WDR6: variants seen among roughly 807,000 people sequenced by gnomAD.
WDR6 encodes tRNA (34-2'-O)-methyltransferase regulator WDR6.
Under a neutral mutation model 85.6 loss-of-function variants are expected in WDR6, and 58 were observed. The observed-to-expected ratio is 0.68, with a 90% confidence interval of 0.55 to 0.84. WDR6 has a LOEUF of 0.84. WDR6 is among the 40% of genes least tolerant of loss of function. The pLI is 0.00. For missense variants in WDR6, 1,310 were observed against 1,476.4 expected (o/e 0.89, Z 1.85); for synonymous variants, 569 against 582.2 (o/e 0.98, Z 0.33).
In WDR6 at chr3:49,012,252, G is replaced by A. The variant is rs981114396; in HGVS notation, c.718G>A (p.Asp240Asn). 5 of 1,614,136 alleles carry A rather than the reference G, an allele frequency of 3.1e-6. No homozygotes were observed. The highest frequency in any genetic ancestry group is 2.2e-5 in the South Asian group (2 of 91,082). The change falls in exon 2 of 6, where the codon GAC (aspartate) becomes AAC (asparagine). Residue 240 changes from aspartate (D) to asparagine (N), a missense_variant. Coordinates refer to ENST00000608424, the MANE Select transcript of WDR6 (RefSeq NM_018031.6). The surrounding 1 kb of genome is among the most constrained non-coding windows in gnomAD (Gnocchi z 4.4). Reference sequence around the variant, plus strand: ...AAGCGTTCGTATCTGGAAGGTGGGCGACCTGCGAGTGCCTGGGGGTCGGGT... The same window carrying A: ...AAGCGTTCGTATCTGGAAGGTGGGCAACCTGCGAGTGCCTGGGGGTCGGGT... The part of the protein sequence containing the change: ...DRSVRIWKVG[D>N]LRVPGGRVQN...
chr3:49,014,283 G>A lies in WDR6; in HGVS notation c.2656G>A (p.Gly886Arg). 1 of 1,614,138 alleles carries A rather than the reference G, an allele frequency of 6.2e-7. No individual in the cohort carries two copies. The highest frequency in any genetic ancestry group is 8.5e-7 in the Non-Finnish European group (1 of 1,180,032). ...CCTTGTGGCTGCAGCCTGTAGTGAT[G>A]GGGCCGTAAGGTGAGAGCATAGGGC... ...GPLVAAACSD[G>R]AVRLFLLQDS... The change falls in exon 3 of 6, where the codon GGG becomes AGG. Residue 886 changes from glycine to arginine, a missense_variant. Transcript: ENST00000608424. This position sits in a 1 kb window ranked among gnomAD's most constrained non-coding sequence, Gnocchi z 4.9.
In WDR6 at chr3:49,014,470, C is replaced by G; in HGVS notation, c.2754C>G (p.Ser918=). 6.2e-7 allele frequency: 1 copy of G among 1,614,162 alleles called. No homozygotes were observed. The highest frequency in any genetic ancestry group is 8.5e-7 in the Non-Finnish European group (1 of 1,180,016). The change falls in exon 4 of 6, where the codon TCC becomes TCG. Residue 918 remains serine, a synonymous_variant. Coordinates refer to ENST00000608424, the MANE Select transcript of WDR6 (RefSeq NM_018031.6). This position sits in a 1 kb window ranked among gnomAD's most constrained non-coding sequence, Gnocchi z 4.9. ...HHKRCVLKVH[S]FTHEAPNQRR... is the part of the protein sequence containing the mutation. ...AGCGATGTGTCCTCAAGGTCCACTC[C>G]TTTACACACGAGGCACCCAACCAGA...
At position 49,007,723 on chromosome 3, in the gene WDR6, G is replaced by A; in HGVS notation, c.100+192G>A. 1 of 1,287,828 alleles carries A rather than the reference G, an allele frequency of 7.8e-7. No homozygotes were observed. Among genetic ancestry groups the A allele is most frequent in the South Asian group, 2.2e-5 (1 of 45,726 alleles). 79.8% of individuals were successfully genotyped at this position (1,287,828 alleles called of 1,614,324 possible). A position where few individuals can be genotyped will look rare whatever the true frequency, so the allele number is the denominator to read the frequency against. ...AACCTGAAGAGGGCGGGGCCCGAGA[G>A]ACAAAGCTGATGTGGCCGCCGCGGC... On this transcript the variant is annotated intron_variant, in intron 1 of 5. Transcript: ENST00000608424. The surrounding 1 kb of genome is among the most constrained non-coding windows in gnomAD (Gnocchi z 5.1).
rs753020281 is a variant in WDR6, at chr3:49,015,647, G to A, written c.*359G>A. 38 of 1,614,024 alleles carry A rather than the reference G, an allele frequency of 2.4e-5. 2 individuals carry two copies. The South Asian group carries it at 3.1e-4, about 13-fold the overall frequency. On this transcript the variant is annotated 3_prime_UTR_variant, in exon 6 of 6. Coordinates refer to ENST00000608424, the MANE Select transcript of WDR6 (RefSeq NM_018031.6). ...GCCAGGCCAGTATGGAGCACCTCAC[G>A]CACAGCTCTCAGAAGCTGCAGGCGG...
rs1260511096 is a variant in WDR6 at position 49,014,479 on chromosome 3, C to T, written c.2763C>T (p.His921=). 6.2e-6 allele frequency: 10 copies of T among 1,614,146 alleles called. No individual in the cohort carries two copies. The highest frequency in any genetic ancestry group is 4.4e-5 in the South Asian group (4 of 91,080). Residue 921 remains histidine (H), a synonymous_variant, in exon 4 of 6, where the codon CAC becomes CAT. Coordinates refer to ENST00000608424, the MANE Select transcript of WDR6 (RefSeq NM_018031.6). The surrounding 1 kb of genome is among the most constrained non-coding windows in gnomAD (Gnocchi z 4.9). ...TCCTCAAGGTCCACTCCTTTACACA[C>T]GAGGCACCCAACCAGAGGCGGTGAG... ...RCVLKVHSFT[H]EAPNQRRRLL...
rs774988686 is a variant in WDR6, at chr3:49,014,373, C to G, written c.2667-10C>G. The stretch of plus-strand genomic sequence containing the variant: ...ATGCGTTCTGAGCTGGGCCACCCCC[C>G]GCCCCCCAGGCTCTTTCTTTTGCAG... On this transcript the variant is annotated splice_polypyrimidine_tract_variant and intron_variant, in intron 3 of 5. Coordinates refer to ENST00000608424, the MANE Select transcript of WDR6 (RefSeq NM_018031.6). The surrounding 1 kb of genome is among the most constrained non-coding windows in gnomAD (Gnocchi z 4.9). 2 of 1,614,026 alleles carry G rather than the reference C, an allele frequency of 1.2e-6. No individual in the cohort carries two copies. The highest frequency in any genetic ancestry group is 1.7e-6 in the Non-Finnish European group (2 of 1,180,006).
Position 49,012,089 on chromosome 3 carries a change from G to C in WDR6, c.555G>C (p.Leu185Phe). ...IVAGAVSNQLLVWYPATALAD... is the reference protein window; with the variant it reads ...IVAGAVSNQLFVWYPATALAD... ...CAGGTGCTGTTTCCAACCAGCTCTT[G>C]GTCTGGTACCCAGCAACTGCCTTAG... The change falls in exon 2 of 6, where the codon TTG (leucine) becomes TTC (phenylalanine). Residue 185 changes from leucine to phenylalanine, a missense_variant. Leu to Phe is a conservative substitution (Grantham distance 22). Transcript: ENST00000608424. This position sits in a 1 kb window ranked among gnomAD's most constrained non-coding sequence, Gnocchi z 4.4. 6.2e-7 allele frequency: 1 copy of C among 1,613,816 alleles called. No individual in the cohort carries two copies. Among genetic ancestry groups the C allele is most frequent in the East Asian group, 2.2e-5 (1 of 44,872 alleles).
intron 1 of WDR6, chr3:49,011,042 G>C: frequency 2.3e-6 from 1 of 436,710 alleles, no homozygotes; most frequent in Non-Finnish European, 4.5e-6. Flanking sequence ...ACTGATGAGG[G>C]AAGCACAAAG....
At position 49,014,636 on chromosome 3, in the gene WDR6, C is replaced by T. The variant is rs967694525; in HGVS notation, c.2820C>T (p.Ser940=). Residue 940 remains serine (S), a synonymous_variant, in exon 5 of 6, where the codon AGC becomes AGT. Transcript: ENST00000608424. This position sits in a 1 kb window ranked among gnomAD's most constrained non-coding sequence, Gnocchi z 4.9. The part of the protein sequence containing the change: ...LLLCSAATDG[S]LAFWDLTTML... The stretch of plus-strand genomic sequence containing the variant: ...TGTGCAGCGCAGCTACTGATGGCAG[C>T]CTGGCTTTCTGGGATCTCACCACCA... The T allele has an allele frequency of 1.2e-6, 2 of 1,613,590 alleles. No individual in the cohort carries two copies. Among genetic ancestry groups the T allele is most frequent in the African/African-American group, 2.7e-5 (2 of 74,914 alleles).
chr3:49,013,480 A>G lies in WDR6; in HGVS notation c.1946A>G (p.His649Arg), dbSNP rs2093029550. Residue 649 changes from histidine (H) to arginine (R), a missense_variant, in exon 2 of 6, where the codon CAC becomes CGC. Coordinates refer to ENST00000608424, the MANE Select transcript of WDR6 (RefSeq NM_018031.6). The surrounding 1 kb of genome is among the most constrained non-coding windows in gnomAD (Gnocchi z 4.6). ...AACCCTCGGTCACACGAGAAGCTGCACATCGTCAACTGTGGTGGAGGGCAC... is the reference window on the plus strand; with the variant it reads ...AACCCTCGGTCACACGAGAAGCTGCGCATCGTCAACTGTGGTGGAGGGCAC... ...VWNPRSHEKL[H>R]IVNCGGGHRS... The G allele has an allele frequency of 1.2e-6, 2 of 1,614,118 alleles. No individual in the cohort carries two copies. Among genetic ancestry groups the G allele is most frequent in the Non-Finnish European group, 1.7e-6 (2 of 1,180,026 alleles).
In WDR6 at chr3:49,014,837, C is replaced by T; in HGVS notation, c.2915C>T (p.Pro972Leu). 1 of 1,603,596 alleles carries T rather than the reference C, an allele frequency of 6.2e-7. No homozygotes were observed. The highest frequency in any genetic ancestry group is 8.5e-7 in the Non-Finnish European group (1 of 1,172,534). Residue 972 changes from proline to leucine, a missense_variant, in exon 6 of 6, where the codon CCC (proline) becomes CTC (leucine). Coordinates refer to ENST00000608424, the MANE Select transcript of WDR6 (RefSeq NM_018031.6). The surrounding 1 kb of genome is among the most constrained non-coding windows in gnomAD (Gnocchi z 4.9). ...CCTCTTCCTTCAGGGCTTGGCACCC[C>T]CTCCCTGACTCTCCAGGCCCACAGC... ...DPGLPYRLGTPSLTLQAHSCG... is the reference protein window; with the variant it reads ...DPGLPYRLGTLSLTLQAHSCG...
At position 49,012,530 on chromosome 3, in the gene WDR6, C is replaced by G; in HGVS notation, c.996C>G (p.Tyr332Ter). ...IRLWHLVGRG[Y>*]RGLGVSALCF... ...TGTGGCACTTGGTAGGGCGTGGGTACCGGGGATTGGGGGTCTCGGCTCTCT... is the reference window on the plus strand; with the variant it reads ...TGTGGCACTTGGTAGGGCGTGGGTAGCGGGGATTGGGGGTCTCGGCTCTCT... The change falls in exon 2 of 6, where the codon TAC (tyrosine) becomes TAG (stop). Residue 332 changes from tyrosine to a stop codon, truncating the protein, a stop_gained. Coordinates refer to ENST00000608424, the MANE Select transcript of WDR6 (RefSeq NM_018031.6). LOFTEE classifies it high-confidence loss of function. The surrounding 1 kb of genome is among the most constrained non-coding windows in gnomAD (Gnocchi z 4.4). The G allele has an allele frequency of 6.2e-7, 1 of 1,613,952 alleles. No homozygotes were observed. Among genetic ancestry groups the G allele is most frequent in the East Asian group, 2.2e-5 (1 of 44,864 alleles).
chr3:49,014,455 C>T lies in WDR6; in HGVS notation c.2739C>T (p.Val913=), dbSNP rs187828033. The change falls in exon 4 of 6, where the codon GTC becomes GTT. Residue 913 remains valine, a synonymous_variant. Coordinates refer to ENST00000608424, the MANE Select transcript of WDR6 (RefSeq NM_018031.6). This position sits in a 1 kb window ranked among gnomAD's most constrained non-coding sequence, Gnocchi z 4.9. ...AAACCTTCCACCATAAGCGATGTGT[C>T]CTCAAGGTCCACTCCTTTACACACG... The part of the protein sequence containing the change: ...LAETFHHKRC[V]LKVHSFTHEA... 8.1e-6 allele frequency: 13 copies of T among 1,614,148 alleles called. No homozygotes were observed. The Admixed American group carries it at 1.7e-4, about 21-fold the overall frequency.
rs747127675 is a variant in WDR6 at position 49,013,040 on chromosome 3, A to C, written c.1506A>C (p.Pro502=). 1.1e-5 allele frequency: 18 copies of C among 1,612,352 alleles called. No individual in the cohort carries two copies. The highest frequency in any genetic ancestry group is 1.5e-5 in the Non-Finnish European group (18 of 1,178,908). The change falls in exon 2 of 6, where the codon CCA becomes CCC. Residue 502 remains proline (P), a synonymous_variant. Coordinates refer to ENST00000608424, the MANE Select transcript of WDR6 (RefSeq NM_018031.6). The surrounding 1 kb of genome is among the most constrained non-coding windows in gnomAD (Gnocchi z 4.6). ...ACACATGCAGTGCCTTCCTACCCCC[A>C]GGTGACTTCCTGGTGTGTGGTGACC... ...RWHTCSAFLP[P]GDFLVCGDRR...
chr3:49,011,769 G>C lies in WDR6; in HGVS notation c.235G>C (p.Asp79His). 1.2e-6 allele frequency: 2 copies of C among 1,614,218 alleles called. No homozygotes were observed. Among genetic ancestry groups the C allele is most frequent in the Non-Finnish European group, 1.7e-6 (2 of 1,180,044 alleles). The change falls in exon 2 of 6, where the codon GAC (aspartate) becomes CAC (histidine). Residue 79 changes from aspartate (D) to histidine (H), a missense_variant. Physicochemically the swap from Asp to His is moderately conservative, Grantham distance 81. Coordinates refer to ENST00000608424, the MANE Select transcript of WDR6 (RefSeq NM_018031.6). ...RVRPEPNGDL[D>H]LEAMVAVFGS... ...ACGGCCAGAGCCTAATGGAGACCTT[G>C]ACTTGGAGGCCATGGTGGCTGTGTT...
In WDR6 at chr3:49,007,689, A is replaced by C; in HGVS notation, c.100+158A>C. 7.5e-7 allele frequency: 1 copy of C among 1,327,472 alleles called. No homozygotes were observed. The highest frequency in any genetic ancestry group is 9.7e-7 in the Non-Finnish European group (1 of 1,034,654). The allele number at this position is 1,327,472 out of a possible 1,614,324, so 82.2% of individuals were successfully genotyped here. The stretch of plus-strand genomic sequence containing the variant: ...GAAGGGAGCCCCGGAGATGGCGGGG[A>C]CGAGGGCCAACCTGAAGAGGGCGGG... On this transcript the variant is annotated intron_variant, in intron 1 of 5. Coordinates refer to ENST00000608424, the MANE Select transcript of WDR6 (RefSeq NM_018031.6). This position sits in a 1 kb window ranked among gnomAD's most constrained non-coding sequence, Gnocchi z 5.1.
rs768997124 is a variant in WDR6 at position 49,015,168 on chromosome 3, T to G, written c.3246T>G (p.Asn1082Lys). The G allele has an allele frequency of 6.2e-7, 1 of 1,613,942 alleles. No homozygotes were observed. Among genetic ancestry groups the G allele is most frequent in the South Asian group, 1.1e-5 (1 of 91,084 alleles). ...RLGHGEPTFM[N>K]STVFHVPDVA... ...GGCATGGTGAACCCACCTTCATGAA[T>G]AGCACTGTGTTCCATGTGCCTGATG... The change falls in exon 6 of 6, where the codon AAT (asparagine) becomes AAG (lysine). Residue 1082 changes from asparagine (N) to lysine (K), a missense_variant. Physicochemically the swap from Asn to Lys is moderately conservative, Grantham distance 94. Coordinates refer to ENST00000608424, the MANE Select transcript of WDR6 (RefSeq NM_018031.6).
At position 49,011,905 on chromosome 3, in the gene WDR6, G is replaced by T. The variant is rs2093017431; in HGVS notation, c.371G>T (p.Trp124Leu). The change falls in exon 2 of 6, where the codon TGG becomes TTG. Residue 124 changes from tryptophan (W) to leucine (L), a missense_variant. Transcript: ENST00000608424. ...NMSDWIWDAR[W>L]LEGNIALALG... The stretch of plus-strand genomic sequence containing the variant: ...TCTGACTGGATTTGGGATGCACGCT[G>T]GCTTGAGGGAAATATAGCCTTGGCC... 6.2e-7 allele frequency: 1 copy of T among 1,614,222 alleles called. No homozygotes were observed.
Position 49,015,360 on chromosome 3 carries a change from CTG to C in WDR6, c.*75_*76del, listed in dbSNP as rs2093048901. ...ACAGCATGGAGCAGGGATGGGCTGT[CTG>C]TGCCCATGCTCAGCATGCCTTGAGG... On this transcript the variant is annotated 3_prime_UTR_variant, in exon 6 of 6. Transcript: ENST00000608424. The C allele has an allele frequency of 6.5e-7, 1 of 1,534,402 alleles. No homozygotes were observed. The highest frequency in any genetic ancestry group is 8.8e-7 in the Non-Finnish European group (1 of 1,131,352).
Sources: allele counts gnomAD v4.1 joint callset, GRCh38; gene constraint gnomAD v4.1.1; non-coding constraint Gnocchi (gnomAD v3.1); transcripts MANE v1.5; gene names NCBI Gene and HGNC (gene_info 2026-07-23, HGNC 2026-07-21).